The following RIPOR2 variants were observed in gnomAD, a reference collection of about 807,000 sequenced individuals.
RIPOR2 encodes RHO family interacting cell polarization regulator 2, also known as rho family-interacting cell polarization regulator 2.
In RIPOR2, 39 loss-of-function variants were observed where a neutral mutation model predicts 114.5. The ratio of observed to expected loss-of-function variants is 0.34; its 90% CI spans 0.26 to 0.44. RIPOR2 has a LOEUF of 0.44. RIPOR2 is among the 20% of genes least tolerant of loss of function. The probability of loss-of-function intolerance (pLI) is 1.00; values close to 1 mark genes in which losing one functional copy is unlikely to be tolerated. For synonymous variants in RIPOR2, 445 were observed against 484.4 expected (o/e 0.92, Z 1.07); for missense variants, 1,007 against 1,255.1 (o/e 0.80, Z 2.99).
At chr6:24,945,085 A>T (rs1406289512) in intron 1 of RIPOR2, among the ~76,000 whole-genome samples, 1 of 152,168 alleles carries the variant, frequency 6.6e-6, no homozygotes, top group Non-Finnish European at 1.5e-5. Flanking sequence ...ATTTGTATAT[A>T]TTCCATACAT....
intron 1 of RIPOR2, among the ~76,000 whole-genome samples, chr6:25,021,963 T>C (rs1408620420): frequency 1.3e-5 from 2 of 152,174 alleles, no homozygotes; most frequent in East Asian, 3.8e-4. Context: ...GATCAAGTAA[T>C]TGGTTTATAA....
intron 1 of RIPOR2, chr6:24,929,334 T>C (rs1344630095): frequency 2.6e-5 from 4 of 152,192 alleles, no homozygotes; most frequent in African/African-American, 7.2e-5. Flanking sequence ...TCTTGACACG[T>C]CCCTCTTCAG....
intron 1 of RIPOR2, among the ~76,000 whole-genome samples, chr6:24,897,797 G>T (rs1379616532): frequency 6.6e-6 from 1 of 151,902 alleles, no homozygotes. Flanking sequence ...GATGATGTCT[G>T]GTTCTATTGC....
chr6:24,855,474 T>C (rs1158680258), intron 8 of RIPOR2, among the ~76,000 whole-genome samples: 1 of 152,230 alleles, frequency 6.6e-6, no homozygotes, highest in Non-Finnish European at 1.5e-5. Flanking sequence ...CCTCCCTGTT[T>C]ACCCAGTAAT....
At chr6:24,951,815 A>G (rs753908506) in intron 1 of RIPOR2, among the ~76,000 whole-genome samples, 73 of 152,178 alleles carry the variant, frequency 4.8e-4, no homozygotes, top group Non-Finnish European at 9.8e-4. Flanking sequence ...CAGCTTTGGC[A>G]GCAATATTTA....
chr6:24,907,417 T>C (rs929363239), intron 1 of RIPOR2, among the ~76,000 whole-genome samples: 4 of 152,296 alleles, frequency 2.6e-5, no homozygotes, highest in Middle Eastern at 3.4e-3. Flanking sequence ...CACAGGGCCA[T>C]GTGTAAATGA....
intron 1 of RIPOR2, among the ~76,000 whole-genome samples, chr6:25,005,685 C>CT (rs1775518303): frequency 1.2e-5 from 1 of 83,846 alleles, no homozygotes; most frequent in Non-Finnish European, 2.8e-5. Context: ...AAAATAAAAT[C>CT]CCTATGGAGA....
At chr6:25,015,908 T>TTG (rs1775964918) in intron 1 of RIPOR2, 1 of 138,646 alleles carries the variant, frequency 7.2e-6, no homozygotes, top group Non-Finnish European at 1.6e-5. Context: ...TTTTTTTTTT[T>TTG]TTTTTTTTTT....
chr6:24,886,345 A>C (rs1490211763), intron 1 of RIPOR2, among the ~76,000 whole-genome samples: 6 of 152,218 alleles, frequency 3.9e-5, no homozygotes, highest in Non-Finnish European at 8.8e-5. Context: ...CAGTATCAGG[A>C]AATGTAACAT....
intron 1 of RIPOR2, among the ~76,000 whole-genome samples, chr6:24,976,255 G>C (rs1037140245): frequency 6.6e-6 from 1 of 152,094 alleles, no homozygotes; most frequent in Non-Finnish European, 1.5e-5. Context: ...ATGACAATAA[G>C]GAAATAGTTA....
intron 1 of RIPOR2, among the ~76,000 whole-genome samples, chr6:25,013,316 G>A (rs1233131761): frequency 6.6e-6 from 1 of 152,108 alleles, no homozygotes; most frequent in Non-Finnish European, 1.5e-5. Context: ...GTGGTGGTCT[G>A]AAGACCACGG....
intron 1 of RIPOR2, among the ~76,000 whole-genome samples, chr6:24,897,707 G>C (rs183880779): frequency 6.6e-6 from 1 of 152,238 alleles, no homozygotes; most frequent in Admixed American, 6.5e-5. Context: ...CATTACCAGA[G>C]GGCCTTAAGT....
In RIPOR2 at chr6:24,998,606, AAAATGC is replaced by A. The variant is rs1775151030; in HGVS notation, c.76+43239_76+43244del. Among the ~76,000 whole-genome samples the A allele has an allele frequency of 2.6e-5, 4 of 152,212 alleles. No individual in the cohort carries two copies. The South Asian group carries it at 8.3e-4, about 31-fold the overall frequency. On this transcript the variant is annotated intron_variant, in intron 1 of 13. Coordinates refer to the RIPOR2 transcript ENST00000510784. ...CAACGTCTCTCCATTGCCCCTATAC[AAAATGC>A]AAACTGCTTACCATTTTTCACATGA...
intron 8 of RIPOR2, among the ~76,000 whole-genome samples, chr6:24,857,082 C>G (rs572728242): frequency 4.5e-4 from 69 of 152,262 alleles, no homozygotes; most frequent in Non-Finnish European, 7.9e-4. Flanking sequence ...ATGGCACTAT[C>G]CAGGCACAAA....
chr6:24,960,632 T>TCCTCCCACCTCAG (rs1773259228), intron 1 of RIPOR2, among the ~76,000 whole-genome samples: 1 of 152,112 alleles, frequency 6.6e-6, no homozygotes, highest in South Asian at 2.1e-4. Flanking sequence ...GTGCAGTTGA[T>TCCTCCCACCTCAG]CCTCCCACCT....
rs34540028 is a variant in RIPOR2, at chr6:24,843,698, CGT to C, written c.1165-146_1165-145del. ...ATGTTAGCATTTTATTTGTTGATGC[CGT>C]GTGTGTGTGTGTGTGTGTGTGTGTG... On this transcript the variant is annotated intron_variant, in intron 12 of 21. Coordinates refer to ENST00000643898, the MANE Select transcript of RIPOR2 (RefSeq NM_001286445.3). 50,887 of 366,600 alleles carry C rather than the reference CGT, an allele frequency of 0.14. 2,257 individuals are homozygous for C. Among genetic ancestry groups the C allele is most frequent in the African/African-American group, 0.2 (8,732 of 43,466 alleles). 22.7% of individuals were successfully genotyped at this position (366,600 alleles called of 1,614,324 possible).
At chr6:24,885,386 C>T (rs564510012) in intron 1 of RIPOR2, among the ~76,000 whole-genome samples, 1 of 152,242 alleles carries the variant, frequency 6.6e-6, no homozygotes, top group Admixed American at 6.5e-5. Flanking sequence ...CCACACCCAG[C>T]TAATCCTTCT....
chr6:24,974,172 C>A (rs749145184), intron 1 of RIPOR2, among the ~76,000 whole-genome samples: 18 of 151,992 alleles, frequency 1.2e-4, no homozygotes, highest in Non-Finnish European at 1.9e-4. Context: ...CTGTTTGAGC[C>A]CAGGAGTTAG....
intron 1 of RIPOR2, among the ~76,000 whole-genome samples, chr6:24,971,104 A>G (rs923032312): frequency 2.6e-5 from 4 of 152,328 alleles, no homozygotes; most frequent in South Asian, 2.1e-4. Flanking sequence ...TACTAAAGGG[A>G]TGCTTCATAG....
Sources: gnomAD v4.1 joint callset for allele counts (sites outside exome capture counted in the v4.1 genomes callset) on GRCh38, gnomAD v4.1.1 for gene constraint, MANE v1.5 for transcripts, NCBI Gene and HGNC (gene_info 2026-07-23, HGNC 2026-07-21) for gene names.